Variants in SOX6 observed in about 807,000 individuals in gnomAD.
The protein encoded by SOX6 is transcription factor SOX-6.
A neutral mutation model predicts 97.8 loss-of-function variants in SOX6; 11 were observed. That is an observed-to-expected ratio of 0.11 (90% confidence interval 0.07 to 0.19). The LOEUF (loss-of-function observed/expected upper bound fraction) is 0.19. Ranked by LOEUF, SOX6 falls within the 10% of genes least tolerant of loss-of-function variation. SOX6 has a pLI of 1.00. For missense variants in SOX6, 810 were observed against 1,039.5 expected, an observed-to-expected ratio of 0.78 and a Z score of 3.04; for synonymous variants, 360 against 371.4, an observed-to-expected ratio of 0.97 and a Z score of 0.35.
intron 4 of SOX6, among the ~76,000 whole-genome samples, chr11:16,230,230 C>T (rs572161771): frequency 6.6e-6 from 1 of 151,122 alleles, no homozygotes; most frequent in African/African-American, 2.4e-5. Context: ...AAAAACAATT[C>T]CATAAATTAA....
intron 3 of SOX6, among the ~76,000 whole-genome samples, chr11:16,684,281 A>G (rs944917449): frequency 6.6e-6 from 1 of 152,234 alleles, no homozygotes; most frequent in East Asian, 1.9e-4. Flanking sequence ...CACATGCACA[A>G]GTATGTATAT....
chr11:16,233,241 A>C (rs1227578197), intron 4 of SOX6, among the ~76,000 whole-genome samples: 5 of 152,180 alleles, frequency 3.3e-5, no homozygotes, highest in Non-Finnish European at 7.3e-5. Context: ...TGTTAGTGCA[A>C]ATCACAGTGA....
intron 1 of SOX6, among the ~76,000 whole-genome samples, chr11:16,415,719 A>G (rs1565137868): frequency 6.6e-6 from 1 of 152,190 alleles, no homozygotes; most frequent in Non-Finnish European, 1.5e-5. Context: ...TATATGCACA[A>G]AGAACACCAT....
At chr11:16,219,049 C>T (rs1460085454) in intron 4 of SOX6, among the ~76,000 whole-genome samples, 1 of 152,170 alleles carries the variant, frequency 6.6e-6, no homozygotes, top group African/African-American at 2.4e-5. Flanking sequence ...GCTTTAAAAA[C>T]GTGCTAGGCA....
intron 1 of SOX6, among the ~76,000 whole-genome samples, chr11:16,429,626 T>C (rs999301590): frequency 6.6e-6 from 1 of 152,026 alleles, no homozygotes; most frequent in African/African-American, 2.4e-5. Flanking sequence ...AGCTAAATGA[T>C]GAAAACACAT....
intron 3 of SOX6, among the ~76,000 whole-genome samples, chr11:16,612,580 G>A (rs1460951893): frequency 6.6e-6 from 1 of 151,844 alleles, no homozygotes; most frequent in Non-Finnish European, 1.5e-5. Flanking sequence ...ATTGAGGCGG[G>A]GGGGCGGGGT....
intron 3 of SOX6, among the ~76,000 whole-genome samples, chr11:16,685,276 A>T (rs917589855): frequency 6.6e-6 from 1 of 152,250 alleles, no homozygotes; most frequent in African/African-American, 2.4e-5. Flanking sequence ...ACTCTCCAGC[A>T]TTAATTCAAA....
At chr11:16,629,105 C>G (rs1180811870) in intron 3 of SOX6, among the ~76,000 whole-genome samples, 1 of 152,192 alleles carries the variant, frequency 6.6e-6, no homozygotes, top group East Asian at 1.9e-4. Flanking sequence ...TGCCTGACTG[C>G]TCTGGCTAAC....
At chr11:16,134,755 C>T (rs1379562389) in intron 6 of SOX6, among the ~76,000 whole-genome samples, 1 of 152,202 alleles carries the variant, frequency 6.6e-6, no homozygotes, top group Non-Finnish European at 1.5e-5. Context: ...GCACCACTGA[C>T]CAGCTGTTCC....
chr11:16,063,520 ATATATATAT>A (rs1261922756), intron 9 of SOX6, among the ~76,000 whole-genome samples: 1 of 70,236 alleles, frequency 1.4e-5, no homozygotes, highest in Non-Finnish European at 2.8e-5. Context: ...ATATATATAT[ATATATATAT>A]ATATATATAT....
intron 4 of SOX6, among the ~76,000 whole-genome samples, chr11:16,505,762 T>C (rs1269519077): frequency 6.6e-6 from 1 of 152,170 alleles, no homozygotes. Flanking sequence ...GGACATGGCA[T>C]CCCAGCTGCC....
intron 9 of SOX6, among the ~76,000 whole-genome samples, chr11:16,089,529 C>A (rs1379959967): frequency 2.0e-5 from 3 of 152,068 alleles, no homozygotes; most frequent in African/African-American, 7.2e-5. Context: ...CAGTTATTAT[C>A]CTAATCTTTA....
At position 16,153,299 on chromosome 11, in the gene SOX6, C is replaced by T. The variant is rs150995981; in HGVS notation, c.777+30587G>A. The stretch of plus-strand genomic sequence containing the variant: ...TTGGGATTACAGGCAGGAGTCACTG[C>T]ACCTGGCCTAGAGTTACTTTTTTAA... On this transcript the variant is annotated intron_variant, in intron 6 of 15. Transcript: ENST00000683767. Among the ~76,000 whole-genome samples, 213 of 152,258 alleles carry T rather than the reference C, an allele frequency of 1.4e-3. 1 individual carries two copies. The highest frequency in any genetic ancestry group is 4.8e-3 in the African/African-American group (199 of 41,536).
At chr11:16,160,502 A>G (rs900484936) in intron 6 of SOX6, among the ~76,000 whole-genome samples, 6 of 152,148 alleles carry the variant, frequency 3.9e-5, no homozygotes, top group Non-Finnish European at 1.5e-5. Flanking sequence ...TATCTTAAAT[A>G]CCAGTTTGTG....
At chr11:16,608,409 C>G (rs1848360384) in intron 4 of SOX6, among the ~76,000 whole-genome samples, 1 of 150,854 alleles carries the variant, frequency 6.6e-6, no homozygotes, top group Non-Finnish European at 1.5e-5. Flanking sequence ...ACAGGCAGGC[C>G]AGGGAGAAGA....
intron 3 of SOX6, among the ~76,000 whole-genome samples, chr11:16,638,995 A>G (rs568082089): frequency 2.6e-5 from 4 of 152,336 alleles, no homozygotes; most frequent in African/African-American, 9.6e-5. Context: ...GTCCTTGCCC[A>G]TGCCTACATC....
At chr11:16,584,926 CTG>C (rs1300864733) in intron 4 of SOX6, among the ~76,000 whole-genome samples, 5 of 152,222 alleles carry the variant, frequency 3.3e-5, no homozygotes, top group African/African-American at 1.2e-4. Context: ...TCTTTAAACT[CTG>C]TCACTGCATC....
intron 1 of SOX6, among the ~76,000 whole-genome samples, chr11:16,429,043 G>A (rs1311174051): frequency 6.6e-6 from 1 of 152,016 alleles, no homozygotes; most frequent in Admixed American, 6.6e-5. Context: ...TCAAAAGTAA[G>A]ACATAAATGC....
intron 3 of SOX6, among the ~76,000 whole-genome samples, chr11:16,246,018 T>G (rs542036177): frequency 1.3e-5 from 2 of 150,996 alleles, no homozygotes; most frequent in East Asian, 4.0e-4. Context: ...TTAATTATTA[T>G]TTTTTTTAGA....
Sources: gnomAD v4.1 joint callset for allele counts (sites outside exome capture counted in the v4.1 genomes callset) on GRCh38, gnomAD v4.1.1 for gene constraint, MANE v1.5 for transcripts, NCBI Gene and HGNC (gene_info 2026-07-23, HGNC 2026-07-21) for gene names.